The following ZC3H8 variants were observed in gnomAD, a reference collection of about 807,000 sequenced individuals.
The protein encoded by ZC3H8 is zinc finger CCCH-type containing 8.
ZC3H8 carries 27 observed loss-of-function variants against 42.5 expected under a neutral mutation model. That is an observed-to-expected ratio of 0.64 (90% confidence interval 0.47 to 0.88). The LOEUF is 0.88. Ranked by LOEUF, ZC3H8 falls within the 40% of genes least tolerant of loss-of-function variation. The pLI is 0.00. For synonymous variants in ZC3H8, 101 were observed against 110.1 expected (o/e 0.92, Z 0.52); for missense variants, 277 against 336.1 (o/e 0.82, Z 1.37).
chr2:112,254,846 A>T (rs1044585997), intron 1 of ZC3H8, 62 bp downstream of exon 1: 1 of 1,557,492 alleles, frequency 6.4e-7, no homozygotes, highest in African/African-American at 1.4e-5. Flanking sequence ...AATCCAGAAG[A>T]AACTAAGAGG....
intron 2 of ZC3H8, among the ~76,000 whole-genome samples, chr2:112,243,189 C>T (rs1406855714): frequency 6.6e-6 from 1 of 152,150 alleles, no homozygotes; most frequent in Non-Finnish European, 1.5e-5. Context: ...TAATTTGCAG[C>T]AGATATATTT....
At position 112,214,357 on chromosome 2, in the gene ZC3H8, C is replaced by G. The variant is rs1275513963; in HGVS notation, c.*2127G>C. The G allele has an allele frequency of 6.6e-6, 1 of 152,022 alleles. No homozygotes were observed. The highest frequency in any genetic ancestry group is 6.6e-5 in the Admixed American group (1 of 15,262). The allele number at this position is 152,022 out of a possible 1,614,324, so 9.4% of individuals were successfully genotyped here. ...CGTTTGCTTTGGCTTTAAAGACGGT[C>G]AAGGATAAATTCAATAGAGCCATGA... On this transcript the variant is annotated 3_prime_UTR_variant, in exon 9 of 9. Transcript: ENST00000409573.
At chr2:112,228,918 T>G (rs999600372) in intron 8 of ZC3H8, among the ~76,000 whole-genome samples, 9 of 151,836 alleles carry the variant, frequency 5.9e-5, no homozygotes, top group Non-Finnish European at 1.0e-4. Flanking sequence ...GGCAGAGATC[T>G]AAACTGACTA....
chr2:112,250,305 T>C (rs1221758822), intron 1 of ZC3H8, 33 bp from the exon 2 acceptor site: 1 of 1,508,150 alleles, frequency 6.6e-7, no homozygotes, highest in Non-Finnish European at 9.0e-7. Context: ...CACAAAAGAG[T>C]TTTTTCAACC....
chr2:112,219,950 C>A (rs1684513576), intron 8 of ZC3H8, among the ~76,000 whole-genome samples: 1 of 152,088 alleles, frequency 6.6e-6, no homozygotes, highest in Non-Finnish European at 1.5e-5. Context: ...GTCTGTTTTG[C>A]CTGAAATTAG....
chr2:112,251,407 C>T (rs1685942067), intron 1 of ZC3H8, among the ~76,000 whole-genome samples: 1 of 152,158 alleles, frequency 6.6e-6, no homozygotes, highest in Non-Finnish European at 1.5e-5. Flanking sequence ...CTACAGAAGC[C>T]ACCATTACAA....
chr2:112,238,360 G>A lies in ZC3H8; in HGVS notation c.325C>T (p.Pro109Ser). 6.2e-7 allele frequency: 1 copy of A among 1,613,644 alleles called. No homozygotes were observed. The highest frequency in any genetic ancestry group is 8.5e-7 in the Non-Finnish European group (1 of 1,179,852). ...QAREMANAAQ[P>S]EESTKKEGVK... ...CCTTCTTTCTTTGTAGATTCTTCAGGTTGAGCAGCATTTGCCATTTCTCTG... is the reference window on the plus strand; with the variant it reads ...CCTTCTTTCTTTGTAGATTCTTCAGATTGAGCAGCATTTGCCATTTCTCTG... Residue 109 changes from proline to serine, a missense_variant, in exon 3 of 9, where the codon CCT becomes TCT. By Grantham distance (74) the Pro-to-Ser change is moderately conservative. Transcript: ENST00000409573.
At chr2:112,219,380 T>C (rs1684485578) in intron 8 of ZC3H8, among the ~76,000 whole-genome samples, 1 of 152,200 alleles carries the variant, frequency 6.6e-6, no homozygotes, top group Admixed American at 6.5e-5. Context: ...GATCTCCTCA[T>C]GCAAAACAGT....
Position 112,211,886 on chromosome 2 carries a change from C to T in ZC3H8, c.*4598G>A, listed in dbSNP as rs1214083753. 1.3e-5 allele frequency: 2 copies of T among 152,172 alleles called. No homozygotes were observed. The highest frequency in any genetic ancestry group is 2.9e-5 in the Non-Finnish European group (2 of 68,028). The allele number at this position is 152,172 out of a possible 1,614,324, so 9.4% of individuals were successfully genotyped here. On this transcript the variant is annotated 3_prime_UTR_variant, in exon 9 of 9. Transcript: ENST00000409573. The stretch of plus-strand genomic sequence containing the variant: ...GTTGGGCATCTTGTCCCTCCCTATC[C>T]AAACATATACATTCTCCCCTCTCCT...
intron 8 of ZC3H8, among the ~76,000 whole-genome samples, chr2:112,217,613 T>C (rs778319254): frequency 5.9e-5 from 9 of 152,228 alleles, no homozygotes; most frequent in Non-Finnish European, 1.3e-4. Flanking sequence ...TTTCATTATA[T>C]AGTAGAGTGT....
Position 112,249,113 on chromosome 2 carries a change from T to C in ZC3H8, c.156+1078A>G, listed in dbSNP as rs181694657. On this transcript the variant is annotated intron_variant, in intron 2 of 8. Coordinates refer to ENST00000409573, the MANE Select transcript of ZC3H8 (RefSeq NM_032494.3). The stretch of plus-strand genomic sequence containing the variant: ...CCCAGCTACTTGGGAGGCTGAGAAT[T>C]GCTTGAGTCCAGAAGGAGGTTGCAG... Among the ~76,000 whole-genome samples the C allele has an allele frequency of 4.4e-3, 673 of 152,204 alleles. 3 individuals are homozygous for C. Among genetic ancestry groups the C allele is most frequent in the South Asian group, 0.014 (67 of 4,816 alleles).
intron 8 of ZC3H8, among the ~76,000 whole-genome samples, chr2:112,226,603 AAAG>A (rs1684852666): frequency 6.6e-6 from 1 of 151,226 alleles, no homozygotes; most frequent in Non-Finnish European, 1.5e-5. Flanking sequence ...AAAAAAAAAA[AAAG>A]CTCAGGCCCA....
intron 8 of ZC3H8, among the ~76,000 whole-genome samples, chr2:112,221,862 C>A (rs1195036904): frequency 6.6e-6 from 1 of 152,106 alleles, no homozygotes; most frequent in African/African-American, 2.4e-5. Flanking sequence ...CTATTTGTAA[C>A]ATTTCAGCCA....
intron 2 of ZC3H8, among the ~76,000 whole-genome samples, chr2:112,239,341 G>C (rs535022906): frequency 6.6e-6 from 1 of 152,252 alleles, no homozygotes; most frequent in South Asian, 2.1e-4. Context: ...ATTTTAATCA[G>C]AAAGTTTATT....
chr2:112,251,382 T>C (rs1281895168), intron 1 of ZC3H8, among the ~76,000 whole-genome samples: 1 of 152,210 alleles, frequency 6.6e-6, no homozygotes, highest in African/African-American at 2.4e-5. Context: ...GATGAGGTAC[T>C]AAGTTGTGAG....
At position 112,238,370 on chromosome 2, in the gene ZC3H8, A is replaced by G. The variant is rs918845346; in HGVS notation, c.315T>C (p.Asn105=). The change falls in exon 3 of 9, where the codon AAT becomes AAC. Residue 105 remains asparagine, a synonymous_variant. Transcript: ENST00000409573. The part of the protein sequence containing the change: ...QQYIQAREMA[N]AAQPEESTKK... ...TTGTAGATTCTTCAGGTTGAGCAGC[A>G]TTTGCCATTTCTCTGGCTTGTATGT... 1 of 1,613,658 alleles carries G rather than the reference A, an allele frequency of 6.2e-7. No individual in the cohort carries two copies.
At chr2:112,239,836 C>T (rs560519552) in intron 2 of ZC3H8, among the ~76,000 whole-genome samples, 8 of 152,290 alleles carry the variant, frequency 5.3e-5, no homozygotes, top group South Asian at 2.1e-4. Flanking sequence ...CCGCCTGCCT[C>T]GGCCTCCCAA....
intron 2 of ZC3H8, among the ~76,000 whole-genome samples, chr2:112,240,679 T>C (rs1685539372): frequency 6.6e-6 from 1 of 152,220 alleles, no homozygotes; most frequent in Admixed American, 6.5e-5. Flanking sequence ...TCAATTTTGC[T>C]GTTTTATTAT....
chr2:112,226,229 T>TA (rs1006513877), intron 8 of ZC3H8, among the ~76,000 whole-genome samples: 15 of 150,568 alleles, frequency 1.0e-4, no homozygotes, highest in South Asian at 2.1e-4. Context: ...GTTTTTTTTT[T>TA]AAAAAAGAAA....
Sources: allele counts gnomAD v4.1 joint callset (sites outside exome capture counted in the v4.1 genomes callset), GRCh38; gene constraint gnomAD v4.1.1; transcripts MANE v1.5; gene names NCBI Gene and HGNC (gene_info 2026-07-23, HGNC 2026-07-21).